The following DPP6 variants were observed in gnomAD, a reference collection of about 807,000 sequenced individuals.
DPP6 encodes the protein dipeptidyl peptidase like 6.
Under a neutral mutation model 122.6 loss-of-function variants are expected in DPP6, and 69 were observed. The observed-to-expected ratio is 0.56, with a 90% CI of 0.46 to 0.69. DPP6 has a LOEUF of 0.69. Among genes scored for constraint, DPP6 ranks in the 30% least tolerant of loss-of-function variants. The pLI is 0.00. For missense variants in DPP6, 928 were observed against 1,116.9 expected (o/e 0.83, Z 2.41); for synonymous variants, 418 against 433.1 (o/e 0.97, Z 0.43).
intron 16 of DPP6, among the ~76,000 whole-genome samples, chr7:154,830,776 A>C (rs1800570426): frequency 6.6e-6 from 1 of 152,204 alleles, no homozygotes. Flanking sequence ...CTCCAAGCAC[A>C]CACCGTGCAC....
Position 154,893,473 on chromosome 7 carries a change from A to AAAAAAAACAAAAC in DPP6, c.*1002_*1003insAAACAAAAAAACA, listed in dbSNP as rs1806808580. 7.0e-6 allele frequency: 1 copy of AAAAAAAACAAAAC among 142,174 alleles called. No individual in the cohort carries two copies. The allele number at this position is 142,174 out of a possible 1,614,324, so 8.8% of individuals were successfully genotyped here. A position where few individuals can be genotyped will look rare whatever the true frequency, so the allele number is the denominator to read the frequency against. ...GGTTTAAAAAAAAAAAAAAAAAAAA[A>AAAAAAAACAAAAC]AAAAAAACAGAAAAAAGACAAAGCG... On this transcript the variant is annotated 3_prime_UTR_variant, in exon 26 of 26. Coordinates refer to ENST00000377770, the MANE Select transcript of DPP6 (RefSeq NM_130797.4).
intron 1 of DPP6, among the ~76,000 whole-genome samples, chr7:153,926,530 G>C (rs1384483466): frequency 6.6e-6 from 1 of 152,134 alleles, no homozygotes. Context: ...TATTTAGATG[G>C]TACAGGTGTC....
chr7:153,774,825 C>T, the DPP6 span, among the ~76,000 whole-genome samples: 13 of 151,940 alleles, frequency 8.6e-5, no homozygotes, highest in South Asian at 2.1e-4. Context: ...GTTAACTGGA[C>T]GTGGTGATAT....
At chr7:153,920,234 T>A (rs2129007971) in intron 1 of DPP6, among the ~76,000 whole-genome samples, 1 of 152,182 alleles carries the variant, frequency 6.6e-6, no homozygotes, top group South Asian at 2.1e-4. Context: ...TGTCACTGGG[T>A]TAATAATTTC....
Position 154,885,522 on chromosome 7 carries a change from G to A in DPP6, c.2134-111G>A, listed in dbSNP as rs919719764. On this transcript the variant is annotated intron_variant, in intron 21 of 25. Coordinates refer to ENST00000377770, the MANE Select transcript of DPP6 (RefSeq NM_130797.4). ...TTCCAAGTGACACATTTTGTAAAAG[G>A]AGAGAACCTGCATGGAACTGGCTGC... 7.1e-6 allele frequency: 10 copies of A among 1,403,360 alleles called. No individual in the cohort carries two copies. The Admixed American group carries it at 1.1e-4, about 15-fold the overall frequency. The allele number at this position is 1,403,360 out of a possible 1,614,324, so 86.9% of individuals were successfully genotyped here.
At chr7:154,598,635 T>C (rs1833244869) in intron 5 of DPP6, among the ~76,000 whole-genome samples, 1 of 152,206 alleles carries the variant, frequency 6.6e-6, no homozygotes, top group Admixed American at 6.5e-5. Flanking sequence ...AGTAAAAGTC[T>C]TGCCAAATAC....
In DPP6 at chr7:154,603,861, C is replaced by T. The variant is rs190833612; in HGVS notation, c.628-33960C>T. On this transcript the variant is annotated intron_variant, in intron 5 of 25. Transcript: ENST00000377770. ...AATCTATGAAAATAAAAGTCAGGTT[C>T]GGATGTAGGGTTAGAATGTAATGAT... is the stretch of plus-strand genomic sequence containing the variant. Among the ~76,000 whole-genome samples, 30 of 117,524 alleles carry T rather than the reference C, an allele frequency of 2.6e-4. 11 individuals carry two copies. In the East Asian group the frequency reaches 0.01, roughly 40 times the overall value. The allele number at this position is 117,524 out of a possible 152,430, so 77.1% of individuals were successfully genotyped here.
At chr7:154,433,743 A>G (rs1312886313) in intron 1 of DPP6, among the ~76,000 whole-genome samples, 1 of 152,224 alleles carries the variant, frequency 6.6e-6, no homozygotes, top group South Asian at 2.1e-4. Context: ...ATACAAATGC[A>G]TTATATCTGG....
At chr7:154,291,357 G>A (rs1585845145) in intron 1 of DPP6, among the ~76,000 whole-genome samples, 1 of 152,116 alleles carries the variant, frequency 6.6e-6, no homozygotes, top group Non-Finnish European at 1.5e-5. Flanking sequence ...AACTTGTGAT[G>A]GTAAGGACAC....
intron 1 of DPP6, among the ~76,000 whole-genome samples, chr7:154,348,166 G>T (rs1388938103): frequency 2.0e-5 from 3 of 152,048 alleles, no homozygotes; most frequent in East Asian, 3.9e-4. Context: ...ACCTCAGGTG[G>T]TGTAATGAAA....
chr7:154,098,625 G>C (rs1200911945), intron 1 of DPP6, among the ~76,000 whole-genome samples: 1 of 151,468 alleles, frequency 6.6e-6, no homozygotes, highest in African/African-American at 2.5e-5. Context: ...CCAGGGATTG[G>C]CTCTGCTTGC....
At chr7:154,371,158 G>A (rs1280128770) in intron 1 of DPP6, among the ~76,000 whole-genome samples, 1 of 151,830 alleles carries the variant, frequency 6.6e-6, no homozygotes, top group African/African-American at 2.4e-5. Flanking sequence ...TGGGCGGATC[G>A]CTTGAGGTTA....
the DPP6 span, among the ~76,000 whole-genome samples, chr7:153,833,494 C>G: frequency 6.6e-6 from 1 of 152,022 alleles, no homozygotes; most frequent in African/African-American, 2.4e-5. Flanking sequence ...GCCAACATGG[C>G]AAAACCCCGT....
the DPP6 span, among the ~76,000 whole-genome samples, chr7:153,815,865 A>T: frequency 6.6e-6 from 1 of 152,288 alleles, no homozygotes; most frequent in African/African-American, 2.4e-5. Context: ...TTTTATGATG[A>T]GATAGTTACA....
Position 154,109,743 on chromosome 7 carries a change from A to G in DPP6, c.243+56680A>G, listed in dbSNP as rs35145472. Among the ~76,000 whole-genome samples, 321 of 148,626 alleles carry G rather than the reference A, an allele frequency of 2.2e-3. 9 individuals are homozygous for G. In the East Asian group the frequency reaches 0.051, roughly 24 times the overall value. On this transcript the variant is annotated intron_variant, in intron 1 of 25. Coordinates refer to ENST00000377770, the MANE Select transcript of DPP6 (RefSeq NM_130797.4). ...AGACAGTAAGAATTTTGTGAGTTGC[A>G]TAATAGTCCATTGATTACCCTTTGT...
At chr7:154,860,516 A>G (rs1803293080) in intron 17 of DPP6, among the ~76,000 whole-genome samples, 1 of 152,186 alleles carries the variant, frequency 6.6e-6, no homozygotes, top group Non-Finnish European at 1.5e-5. Flanking sequence ...GGGGCCTCCA[A>G]TGAGGGGCTG....
At chr7:153,840,670 G>A in the DPP6 span, among the ~76,000 whole-genome samples, 1 of 152,180 alleles carries the variant, frequency 6.6e-6, no homozygotes, top group Non-Finnish European at 1.5e-5. Context: ...GAAATCACCT[G>A]TCGGGAAACC....
chr7:154,542,949 CTG>C (rs1455594005), intron 4 of DPP6, among the ~76,000 whole-genome samples: 9 of 152,192 alleles, frequency 5.9e-5, no homozygotes, highest in African/African-American at 2.2e-4. Context: ...CCTGGGTACT[CTG>C]TGAGATCCAG....
chr7:154,574,574 G>T (rs1180146447), intron 5 of DPP6, among the ~76,000 whole-genome samples: 3 of 141,862 alleles, frequency 2.1e-5, no homozygotes, highest in East Asian at 4.6e-4. Context: ...ATAAGTGTGT[G>T]GTGTGTGTGT....
Sources: gnomAD v4.1 joint callset for allele counts (sites outside exome capture counted in the v4.1 genomes callset) on GRCh38, gnomAD v4.1.1 for gene constraint, MANE v1.5 for transcripts, NCBI Gene and HGNC (gene_info 2026-07-23, HGNC 2026-07-21) for gene names.